USP42: variants seen among roughly 807,000 people sequenced by gnomAD.
The protein encoded by USP42 is ubiquitin carboxyl-terminal hydrolase 42.
In USP42, 23 loss-of-function variants were observed where a neutral mutation model predicts 113.0. The ratio of observed to expected loss-of-function variants is 0.20; its 90% CI spans 0.15 to 0.29. The LOEUF (loss-of-function observed/expected upper bound fraction) is 0.29, where lower values mean the gene tolerates loss of function less well. USP42 is among the 10% of genes least tolerant of loss of function. USP42 has a pLI of 1.00. For missense variants in USP42, 2,174 were observed against 1,779.8 expected (o/e 1.22, Z -3.99); for synonymous variants, 933 against 699.0 (o/e 1.33, Z -5.28).
the USP42 span, among the ~76,000 whole-genome samples, chr7:6,090,908 A>G: frequency 1.3e-5 from 2 of 150,044 alleles, no homozygotes; most frequent in Admixed American, 6.6e-5. Flanking sequence ...TTAACTAAAA[A>G]GTATTATGTA....
At chr7:6,101,071 G>T (rs543828637), upstream of USP42, among the ~76,000 whole-genome samples, 7 of 151,144 alleles carry the variant, frequency 4.6e-5, no homozygotes, top group African/African-American at 1.5e-4. Flanking sequence ...GCGCTCTAGG[G>T]AGGAAGGTAA....
intron 1 of USP42, among the ~76,000 whole-genome samples, chr7:6,105,960 T>G (rs1009064588): frequency 2.6e-5 from 4 of 152,232 alleles, no homozygotes; most frequent in Admixed American, 2.6e-4. Context: ...GAGAAACTAG[T>G]TAACGCCTCC....
At chr7:6,096,500 CT>C in the USP42 span, among the ~76,000 whole-genome samples, 1 of 151,210 alleles carries the variant, frequency 6.6e-6, no homozygotes, top group Non-Finnish European at 1.5e-5. Flanking sequence ...GGGATGGATA[CT>C]TTAGCATGGT....
At chr7:6,134,362 C>A (rs1366858873) in intron 3 of USP42, among the ~76,000 whole-genome samples, 1 of 151,954 alleles carries the variant, frequency 6.6e-6, no homozygotes, top group Non-Finnish European at 1.5e-5. Context: ...TCTTTGCGTG[C>A]CTTGTACTGT....
rs3764814 is a variant in USP42 at position 6,150,149 on chromosome 7, T to C, written c.1953T>C (p.Leu651=). ...ATGAGGAGGCCACTCCGCACGAGCT[T>C]CAAGAACCCATGACCCTAAACGGTG... The part of the protein sequence containing the change: ...AEDEEATPHE[L]QEPMTLNGAN... The change falls in exon 13 of 18, where the codon CTT becomes CTC. Residue 651 remains leucine (L), a synonymous_variant. Coordinates refer to ENST00000306177, the MANE Select transcript of USP42 (RefSeq NM_032172.3). 181,948 of 1,613,354 alleles carry C rather than the reference T, an allele frequency of 0.11. 17,595 individuals carry two copies. The highest frequency in any genetic ancestry group is 0.45 in the East Asian group (20,089 of 44,848).
chr7:6,147,446 A>T (rs1268996362), intron 11 of USP42, among the ~76,000 whole-genome samples: 1 of 152,200 alleles, frequency 6.6e-6, no homozygotes, highest in African/African-American at 2.4e-5. Context: ...CCTGTCTCAA[A>T]AAAAGGAAAA....
Position 6,149,875 on chromosome 7 carries a change from A to C in USP42, c.1679A>C (p.Asn560Thr). 2 of 1,614,038 alleles carry C rather than the reference A, an allele frequency of 1.2e-6. No individual in the cohort carries two copies. Among genetic ancestry groups the C allele is most frequent in the Non-Finnish European group, 1.7e-6 (2 of 1,179,894 alleles). The change falls in exon 13 of 18, where the codon AAT becomes ACT. Residue 560 changes from asparagine to threonine, a missense_variant. Coordinates refer to ENST00000306177, the MANE Select transcript of USP42 (RefSeq NM_032172.3). ...TKPVPSSTITNSAVQSTSNAS... is the reference protein window; with the variant it reads ...TKPVPSSTITTSAVQSTSNAS... ...CCCGTTCCCTCTTCTACCATTACCA[A>C]TTCTGCAGTACAGTCTACCTCGAAC...
chr7:6,139,449 A>G lies in USP42; in HGVS notation c.656+255A>G, dbSNP rs1583646160. ...GGAAATAAACATTGGTCTTGCAGCT[A>G]TTTAATTTCTCATTATCAGCAGACG... is the stretch of plus-strand genomic sequence containing the variant. On this transcript the variant is annotated intron_variant, in intron 5 of 17. Coordinates refer to ENST00000306177, the MANE Select transcript of USP42 (RefSeq NM_032172.3). The surrounding 1 kb of genome is among the most constrained non-coding windows in gnomAD (Gnocchi z 4.5). 1 of 348,062 alleles carries G rather than the reference A, an allele frequency of 2.9e-6. No homozygotes were observed. Among genetic ancestry groups the G allele is most frequent in the East Asian group, 5.3e-5 (1 of 18,700 alleles). The allele number at this position is 348,062 out of a possible 1,614,324, so 21.6% of individuals were successfully genotyped here. A position where few individuals can be genotyped will look rare whatever the true frequency, so the allele number is the denominator to read the frequency against.
rs769170841 is a variant in USP42 at position 6,154,461 on chromosome 7, C to G, written c.2907C>G (p.Ser969Arg). Residue 969 changes from serine to arginine, a missense_variant, in exon 15 of 18, where the codon AGC becomes AGG. Physicochemically the swap from Ser to Arg is moderately radical, Grantham distance 110 (BLOSUM62 -1). Coordinates refer to ENST00000306177, the MANE Select transcript of USP42 (RefSeq NM_032172.3). ...CCAGCGGGGAGCCCGCCAGAGAGAG[C>G]AGGAGCAAGACTGAGGGCCACCGTC... ...RSSSGEPARE[S>R]RSKTEGHRHR... is the part of the protein sequence containing the mutation. 5 of 1,562,642 alleles carry G rather than the reference C, an allele frequency of 3.2e-6. No homozygotes were observed. In the South Asian group the frequency reaches 4.7e-5, roughly 15 times the overall value.
At position 6,139,944 on chromosome 7, in the gene USP42, C is replaced by G. The variant is rs912141822; in HGVS notation, c.657-184C>G. The G allele has an allele frequency of 1.1e-5, 7 of 633,948 alleles. No individual in the cohort carries two copies. The African/African-American group carries it at 1.3e-4, about 12-fold the overall frequency. The allele number at this position is 633,948 out of a possible 1,614,324, so 39.3% of individuals were successfully genotyped here. A position where few individuals can be genotyped will look rare whatever the true frequency, so the allele number is the denominator to read the frequency against. On this transcript the variant is annotated intron_variant, in intron 5 of 17. Coordinates refer to ENST00000306177, the MANE Select transcript of USP42 (RefSeq NM_032172.3). This position sits in a 1 kb window ranked among gnomAD's most constrained non-coding sequence, Gnocchi z 4.5. ...TGCGTCTCCTCCCGCCACTCCCAGA[C>G]CTCCCTGTGTTCTGGCCAGGAAGGG...
At chr7:6,098,164 A>T in the USP42 span, among the ~76,000 whole-genome samples, 4 of 149,318 alleles carry the variant, frequency 2.7e-5, 1 homozygote, top group Non-Finnish European at 5.9e-5. Context: ...TGGCCTCCCA[A>T]AGTGCTGGGA....
chr7:6,103,908 A>G (rs1381089191), upstream of USP42, among the ~76,000 whole-genome samples: 1 of 150,980 alleles, frequency 6.6e-6, no homozygotes, highest in African/African-American at 2.5e-5. Flanking sequence ...ACTCCACACC[A>G]AAAACAAACA....
the USP42 span, among the ~76,000 whole-genome samples, chr7:6,086,121 C>T: frequency 2.5e-4 from 37 of 149,344 alleles, 1 homozygote; most frequent in Admixed American, 1.9e-3. Flanking sequence ...TTGCAACCTT[C>T]GCCTCACAGG....
chr7:6,091,404 T>G, the USP42 span, among the ~76,000 whole-genome samples: 1 of 150,272 alleles, frequency 6.7e-6, no homozygotes, highest in Non-Finnish European at 1.5e-5. Context: ...TTTTTTTAAG[T>G]TTTTGTAGAG....
chr7:6,110,246 G>A (rs1162473823), intron 1 of USP42, among the ~76,000 whole-genome samples: 1 of 152,200 alleles, frequency 6.6e-6, no homozygotes, highest in Admixed American at 6.5e-5. Context: ...CCAGAAGGAA[G>A]CCTGGCTGGG....
chr7:6,155,455 C>A (rs1393695145), intron 15 of USP42, among the ~76,000 whole-genome samples: 1 of 152,182 alleles, frequency 6.6e-6, no homozygotes, highest in Non-Finnish European at 1.5e-5. Flanking sequence ...ATGATAGTGC[C>A]ATTTTTGGTG....
chr7:6,115,530 G>C lies in USP42; in HGVS notation c.442+7G>C, dbSNP rs1034714435. The C allele has an allele frequency of 9.9e-6, 16 of 1,613,806 alleles. No homozygotes were observed. The highest frequency in any genetic ancestry group is 1.2e-5 in the Non-Finnish European group (14 of 1,179,828). ...CATGAACACTCCAAAACATGTAAGT[G>C]TTCCGTGTTGTGTTTGTAGTATTGT... On this transcript the variant is annotated splice_region_variant and intron_variant, in intron 3 of 17. Transcript: ENST00000306177.
chr7:6,083,691 C>T, the USP42 span, among the ~76,000 whole-genome samples: 1 of 150,848 alleles, frequency 6.6e-6, no homozygotes, highest in Non-Finnish European at 1.5e-5. Context: ...CACACACACA[C>T]ATGCCCCCAC....
At chr7:6,101,063 G>A (rs752121538), upstream of USP42, among the ~76,000 whole-genome samples, 2 of 150,890 alleles carry the variant, frequency 1.3e-5, no homozygotes, top group Non-Finnish European at 2.9e-5. Flanking sequence ...TGAGGGGAGC[G>A]CTCTAGGGAG....
Sources: allele counts gnomAD v4.1 joint callset (sites outside exome capture counted in the v4.1 genomes callset), GRCh38; gene constraint gnomAD v4.1.1; non-coding constraint Gnocchi (gnomAD v3.1); transcripts MANE v1.5; gene names NCBI Gene and HGNC (gene_info 2026-07-23, HGNC 2026-07-21).